Variants in TMEM232 observed in about 807,000 individuals in gnomAD.
The protein encoded by TMEM232 is transmembrane protein 232.
TMEM232 carries 80 observed loss-of-function variants against 78.8 expected under a neutral mutation model. The ratio of observed to expected loss-of-function variants is 1.01; its 90% CI spans 0.85 to 1.22. The LOEUF is 1.22. Ranked by LOEUF, TMEM232 falls within the 50% of genes most tolerant of loss-of-function variation. The pLI is 0.00. For synonymous variants in TMEM232, 297 were observed against 254.3 expected, an observed-to-expected ratio of 1.17 and a Z score of -1.60; for missense variants, 881 against 742.2, an observed-to-expected ratio of 1.19 and a Z score of -2.17.
At chr5:110,540,107 G>A (rs1438447379) in intron 11 of TMEM232, among the ~76,000 whole-genome samples, 4 of 152,194 alleles carry the variant, frequency 2.6e-5, no homozygotes, top group Non-Finnish European at 4.4e-5. Context: ...CCCAGCTTCC[G>A]CTCTTGGCAT....
chr5:110,686,340 G>C (rs1793400815), intron 1 of TMEM232, among the ~76,000 whole-genome samples: 1 of 152,000 alleles, frequency 6.6e-6, no homozygotes, highest in African/African-American at 2.4e-5. Flanking sequence ...ATGTCACATG[G>C]AGAGCCATGT....
At chr5:110,507,109 A>T (rs1056934640) in intron 12 of TMEM232, among the ~76,000 whole-genome samples, 4 of 152,268 alleles carry the variant, frequency 2.6e-5, no homozygotes, top group African/African-American at 4.8e-5. Context: ...GATTTCTAGC[A>T]CGCAGAATTT....
At chr5:110,673,640 T>C (rs145579724) in intron 1 of TMEM232, among the ~76,000 whole-genome samples, 1,785 of 152,282 alleles carry the variant, frequency 0.012, 45 homozygotes, top group African/African-American at 0.04. Context: ...GTGGGGATTA[T>C]GAGGTAGAAG....
chr5:110,719,296 T>C (rs1292090178), intron 1 of TMEM232, among the ~76,000 whole-genome samples: 22 of 152,082 alleles, frequency 1.4e-4, no homozygotes, highest in Admixed American at 1.4e-3. Context: ...CACACACATA[T>C]ATAATTATGC....
chr5:110,715,079 A>T (rs1464433654), intron 1 of TMEM232, among the ~76,000 whole-genome samples: 2 of 152,152 alleles, frequency 1.3e-5, no homozygotes, highest in Admixed American at 6.6e-5. Flanking sequence ...CCTTCATTCA[A>T]AGAATATAAA....
chr5:110,636,009 A>G lies in TMEM232; in HGVS notation c.501+2189T>C, dbSNP rs1185200659. 2.0e-5 allele frequency among the ~76,000 whole-genome samples: 3 copies of G among 152,068 alleles called. No homozygotes were observed. The East Asian group carries it at 5.8e-4, about 29-fold the overall frequency. ...TTCACAATAGTAAAGATATGGAATT[A>G]ACGTAAGTATCCATTAATGGGTGAT... is the stretch of plus-strand genomic sequence containing the variant. On this transcript the variant is annotated intron_variant, in intron 5 of 13. Coordinates refer to ENST00000455884, the MANE Select transcript of TMEM232 (RefSeq NM_001039763.4).
chr5:110,479,000 A>T (rs534530701), intron 12 of TMEM232, among the ~76,000 whole-genome samples: 1 of 146,382 alleles, frequency 6.8e-6, no homozygotes, highest in African/African-American at 2.5e-5. Flanking sequence ...AGTGTTACTG[A>T]GTCTGCGGTT....
intron 2 of TMEM232, among the ~76,000 whole-genome samples, chr5:110,652,286 A>ATG (rs1788420364): frequency 1.4e-5 from 2 of 143,498 alleles, no homozygotes; most frequent in African/African-American, 5.3e-5. Flanking sequence ...ACAAAAGTGC[A>ATG]CGCGCGCGCA....
intron 2 of TMEM232, among the ~76,000 whole-genome samples, chr5:110,658,228 G>A (rs1789345448): frequency 6.6e-6 from 1 of 152,140 alleles, no homozygotes; most frequent in South Asian, 2.1e-4. Context: ...TGATACCCGT[G>A]TGATTGATTA....
In TMEM232 at chr5:110,640,110, CTCT is replaced by C. The variant is rs770054725; in HGVS notation, c.343+778_343+780del. Among the ~76,000 whole-genome samples the C allele has an allele frequency of 1.7e-4, 26 of 152,306 alleles. No individual in the cohort carries two copies. The Middle Eastern group carries it at 0.014, about 80-fold the overall frequency. On this transcript the variant is annotated intron_variant, in intron 4 of 13. Transcript: ENST00000455884. ...TAATTGTCAATGAAGAGCAAACAGC[CTCT>C]TCTTGCTGGTAAACCAAGAGTGTTT...
chr5:110,614,014 A>T lies in TMEM232; in HGVS notation c.902+4415T>A, dbSNP rs141711350. ...TTGCTAGAGCCAACTAATCTTTTTT[A>T]AAAAAAAGATTAAATCTTTTCCTTA... On this transcript the variant is annotated intron_variant, in intron 8 of 13. Coordinates refer to ENST00000455884, the MANE Select transcript of TMEM232 (RefSeq NM_001039763.4). Among the ~76,000 whole-genome samples the T allele has an allele frequency of 3.3e-3, 508 of 152,020 alleles. 1 individual carries two copies. The highest frequency in any genetic ancestry group is 0.012 in the African/African-American group (478 of 41,442).
chr5:110,590,904 G>A (rs576569811), intron 10 of TMEM232, among the ~76,000 whole-genome samples: 21 of 152,164 alleles, frequency 1.4e-4, no homozygotes, highest in African/African-American at 3.9e-4. Flanking sequence ...ATCAGATCTC[G>A]TGAGAACTCA....
chr5:110,699,753 C>T (rs1441740514), intron 1 of TMEM232, among the ~76,000 whole-genome samples: 5 of 152,046 alleles, frequency 3.3e-5, no homozygotes, highest in Non-Finnish European at 5.9e-5. Flanking sequence ...GGTTTCAGAA[C>T]TGCCTTGTCC....
At chr5:110,441,475 T>C (rs1042308080) in intron 12 of TMEM232, among the ~76,000 whole-genome samples, 2 of 152,156 alleles carry the variant, frequency 1.3e-5, no homozygotes, top group Non-Finnish European at 2.9e-5. Context: ...GAGACAGATT[T>C]CCATGATGGC....
intron 8 of TMEM232, among the ~76,000 whole-genome samples, chr5:110,610,811 G>A (rs900340520): frequency 1.3e-5 from 2 of 152,114 alleles, no homozygotes; most frequent in Admixed American, 6.6e-5. Flanking sequence ...TATCATAGAA[G>A]TCTATTACCA....
chr5:110,396,426 C>T (rs1182798035), intron 3 of TMEM232, among the ~76,000 whole-genome samples: 5 of 152,178 alleles, frequency 3.3e-5, no homozygotes, highest in African/African-American at 1.2e-4. Context: ...TACTGTCATA[C>T]TGAATATTCT....
chr5:110,730,125 T>G (rs1346722109), upstream of TMEM232, among the ~76,000 whole-genome samples: 1 of 152,202 alleles, frequency 6.6e-6, no homozygotes, highest in Non-Finnish European at 1.5e-5. Context: ...TATATTTTCT[T>G]CAATCATATT....
intron 2 of TMEM232, among the ~76,000 whole-genome samples, chr5:110,664,156 A>T (rs1790227816): frequency 6.6e-6 from 1 of 151,816 alleles, no homozygotes; most frequent in Non-Finnish European, 1.5e-5. Context: ...TAAAAATATA[A>T]AAAAAGGACA....
chr5:110,520,076 TAGG>T (rs764036375), intron 12 of TMEM232, among the ~76,000 whole-genome samples: 3 of 147,694 alleles, frequency 2.0e-5, no homozygotes, highest in Non-Finnish European at 3.0e-5. Context: ...GAGGATTAGG[TAGG>T]AGGAGTAAGA....
Sources: allele counts gnomAD v4.1 joint callset (sites outside exome capture counted in the v4.1 genomes callset), GRCh38; gene constraint gnomAD v4.1.1; transcripts MANE v1.5; gene names NCBI Gene and HGNC (gene_info 2026-07-23, HGNC 2026-07-21).